Variants in ATAD3B observed in about 807,000 individuals in gnomAD.
The protein encoded by ATAD3B is ATPase family AAA domain-containing protein 3B.
In ATAD3B, 59 loss-of-function variants were observed where a neutral mutation model predicts 70.2. That is an observed-to-expected ratio of 0.84 (90% CI 0.68 to 1.04). The LOEUF (loss-of-function observed/expected upper bound fraction) is 1.04. ATAD3B is among the 50% of genes least tolerant of loss of function. The pLI, the probability that ATAD3B is intolerant of heterozygous loss-of-function variation, is 0.00. For missense variants in ATAD3B, 961 were observed against 913.4 expected, an observed-to-expected ratio of 1.05 and a Z score of -0.67; for synonymous variants, 423 against 388.6, an observed-to-expected ratio of 1.09 and a Z score of -1.04.
At chr1:1,498,470 TAAAAA>T (rs1235517684), downstream of ATAD3B, among the ~76,000 whole-genome samples, 1 of 149,098 alleles carries the variant, frequency 6.7e-6, no homozygotes, top group Non-Finnish European at 1.5e-5. Flanking sequence ...CAAAATAAAT[TAAAAA>T]ATAAAAATAA....
intron 1 of ATAD3B, among the ~76,000 whole-genome samples, chr1:1,476,449 A>G (rs1639593351): frequency 6.6e-6 from 1 of 151,736 alleles, no homozygotes; most frequent in Admixed American, 6.6e-5. Flanking sequence ...AGAGACGGGA[A>G]CAACGCACCA....
At chr1:1,502,949 G>A in the ATAD3B span, among the ~76,000 whole-genome samples, 4 of 150,948 alleles carry the variant, frequency 2.6e-5, no homozygotes, top group African/African-American at 9.7e-5. Flanking sequence ...ATCAGGCCGG[G>A]CACAGTGGCT....
the ATAD3B span, among the ~76,000 whole-genome samples, chr1:1,505,126 C>T: frequency 2.0e-5 from 3 of 152,032 alleles, no homozygotes; most frequent in Admixed American, 6.6e-5. Flanking sequence ...TGCCAGGCTG[C>T]GCTGTTATTT....
Position 1,490,789 on chromosome 1 carries a change from CA to C in ATAD3B, c.1614+119del. 2.7e-6 allele frequency: 4 copies of C among 1,494,310 alleles called. No individual in the cohort carries two copies. In the South Asian group the frequency reaches 4.0e-5, roughly 15 times the overall value. The allele number at this position is 1,494,310 out of a possible 1,614,324, so 92.6% of individuals were successfully genotyped here. A position where few individuals can be genotyped will look rare whatever the true frequency, so the allele number is the denominator to read the frequency against. On this transcript the variant is annotated intron_variant, in intron 15 of 15. Transcript: ENST00000673477. ...GTGGGAGCTTCTGTTGAGGGGTTTT[CA>C]GTGCACAGACGTGACACAGGGCCCC...
chr1:1,471,821 A>C lies in ATAD3B; in HGVS notation c.-64A>C, dbSNP rs1188532592. 2.3e-5 allele frequency: 29 copies of C among 1,236,656 alleles called. 2 individuals are homozygous for C. The highest frequency in any genetic ancestry group is 3.2e-4 in the Middle Eastern group (1 of 3,164). 76.6% of individuals were successfully genotyped at this position (1,236,656 alleles called of 1,614,324 possible). On this transcript the variant is annotated 5_prime_UTR_variant, in exon 1 of 16. Coordinates refer to ENST00000673477, the MANE Select transcript of ATAD3B (RefSeq NM_031921.6). Reference sequence around the variant, plus strand: ...CTCGCGGCGCGTGGAGGCTGCTCCCAGCCGCGCCCGAGTCAGACTCGGGTG... The same window carrying C: ...CTCGCGGCGCGTGGAGGCTGCTCCCCGCCGCGCCCGAGTCAGACTCGGGTG...
rs909087291 is a variant in ATAD3B at position 1,479,888 on chromosome 1, A to C, written c.444+780A>C. 2.1e-5 allele frequency among the ~76,000 whole-genome samples: 3 copies of C among 141,078 alleles called. 1 individual carries two copies. Among genetic ancestry groups the C allele is most frequent in the Non-Finnish European group, 4.6e-5 (3 of 65,336 alleles). 92.6% of individuals were successfully genotyped at this position (141,078 alleles called of 152,430 possible). On this transcript the variant is annotated intron_variant, in intron 4 of 15. Transcript: ENST00000673477. ...CCTGCACACACACCCCCACACGGGCATGCACACGCCCACACACACGGGCGC... is the reference window on the plus strand; with the variant it reads ...CCTGCACACACACCCCCACACGGGCCTGCACACGCCCACACACACGGGCGC...
At chr1:1,492,925 C>T (rs569750610) in intron 15 of ATAD3B, among the ~76,000 whole-genome samples, 1 of 145,746 alleles carries the variant, frequency 6.9e-6, no homozygotes, top group African/African-American at 2.6e-5. Flanking sequence ...GGTGTCAGAG[C>T]GATACTCCAT....
At position 1,473,287 on chromosome 1, in the gene ATAD3B, C is replaced by T. The variant is rs558099045; in HGVS notation, c.205+1198C>T. On this transcript the variant is annotated intron_variant, in intron 1 of 15. Transcript: ENST00000673477. ...CCCGAATAGCTGGGAGTACAGGCGCCCGCCACCACGCCCGGCTAATTTTGT... is the reference window on the plus strand; with the variant it reads ...CCCGAATAGCTGGGAGTACAGGCGCTCGCCACCACGCCCGGCTAATTTTGT... Among the ~76,000 whole-genome samples, 211 of 145,576 alleles carry T rather than the reference C, an allele frequency of 1.4e-3. 4 individuals are homozygous for T. The highest frequency in any genetic ancestry group is 5.3e-3 in the African/African-American group (207 of 39,414).
At chr1:1,478,434 G>T in intron 2 of ATAD3B, 4 of 1,524,702 alleles carry the variant, frequency 2.6e-6, no homozygotes, top group Non-Finnish European at 3.5e-6. Context: ...GGCCTTCGCA[G>T]GCTTCTCTGC....
intron 15 of ATAD3B, among the ~76,000 whole-genome samples, chr1:1,491,023 A>G (rs1015189816): frequency 6.6e-6 from 1 of 151,936 alleles, no homozygotes; most frequent in African/African-American, 2.4e-5. Flanking sequence ...TCGTCAGGAC[A>G]GGCCCCGTGT....
At chr1:1,485,983 T>G in intron 9 of ATAD3B, 127 bp from the exon 10 acceptor site, 2 of 1,589,374 alleles carry the variant, frequency 1.3e-6, no homozygotes, top group African/African-American at 1.3e-5. Flanking sequence ...CGGGGATAGA[T>G]AGGCTGCCCA....
At position 1,479,527 on chromosome 1, in the gene ATAD3B, C is replaced by A. The variant is rs1253837044; in HGVS notation, c.444+419C>A. Reference sequence around the variant, plus strand: ...GCATGGACAGACACCCGCAAACACACCCCCACACAACACGGGCACGCACAC... The same window carrying A: ...GCATGGACAGACACCCGCAAACACAACCCCACACAACACGGGCACGCACAC... On this transcript the variant is annotated intron_variant, in intron 4 of 15. Coordinates refer to ENST00000673477, the MANE Select transcript of ATAD3B (RefSeq NM_031921.6). 5.6e-5 allele frequency among the ~76,000 whole-genome samples: 8 copies of A among 143,784 alleles called. 1 individual carries two copies. Among genetic ancestry groups the A allele is most frequent in the Non-Finnish European group, 1.5e-5 (1 of 65,954 alleles). The allele number at this position is 143,784 out of a possible 152,430, so 94.3% of individuals were successfully genotyped here.
At position 1,490,193 on chromosome 1, in the gene ATAD3B, C is replaced by G. The variant is rs534571772; in HGVS notation, c.1338-64C>G. The G allele has an allele frequency of 7.0e-5, 111 of 1,580,510 alleles. No homozygotes were observed. In the African/African-American group the frequency reaches 1.4e-3, roughly 20 times the overall value. Reference sequence around the variant, plus strand: ...TCTCCCCGAGGGGGCTGAGGAGCCCCCGTTGCCCTCGGGGCATCTCAGCTG... The same window carrying G: ...TCTCCCCGAGGGGGCTGAGGAGCCCGCGTTGCCCTCGGGGCATCTCAGCTG... On this transcript the variant is annotated intron_variant, in intron 13 of 15. Coordinates refer to ENST00000673477, the MANE Select transcript of ATAD3B (RefSeq NM_031921.6).
intron 15 of ATAD3B, among the ~76,000 whole-genome samples, chr1:1,494,156 T>C (rs1301192639): frequency 2.0e-5 from 3 of 149,212 alleles, no homozygotes; most frequent in Non-Finnish European, 4.4e-5. Context: ...GTGTCACTGT[T>C]GGACCCACCC....
At chr1:1,500,637 ATG>A (rs200301043), downstream of ATAD3B, among the ~76,000 whole-genome samples, 247 of 150,948 alleles carry the variant, frequency 1.6e-3, 2 homozygotes, top group East Asian at 0.011. Context: ...GTATATATAA[ATG>A]TGTATATATA....
chr1:1,475,303 C>T (rs1315834329), intron 1 of ATAD3B, among the ~76,000 whole-genome samples: 2 of 151,408 alleles, frequency 1.3e-5, no homozygotes, highest in Non-Finnish European at 1.5e-5. Flanking sequence ...TCCTTCCTGG[C>T]CTCACTGCTG....
In ATAD3B at chr1:1,489,301, C is replaced by T. The variant is rs372183068; in HGVS notation, c.1337+27C>T. On this transcript the variant is annotated intron_variant, in intron 13 of 15. Transcript: ENST00000673477. ...TGAGGGAGCCCCTCGGGTCCTGAGC[C>T]CCCGGGCAGGGCTGTGCAGCCGTCG... 1.4e-5 allele frequency: 22 copies of T among 1,613,116 alleles called. No individual in the cohort carries two copies. The South Asian group carries it at 1.9e-4, about 14-fold the overall frequency.
chr1:1,471,958 C>T lies in ATAD3B; in HGVS notation c.74C>T (p.Ala25Val). The T allele has an allele frequency of 3.2e-6, 4 of 1,239,158 alleles. No homozygotes were observed. The African/African-American group carries it at 4.7e-5, about 15-fold the overall frequency. 76.8% of individuals were successfully genotyped at this position (1,239,158 alleles called of 1,614,324 possible). A position where few individuals can be genotyped will look rare whatever the true frequency, so the allele number is the denominator to read the frequency against. Reference protein sequence around the residue: ...GAGPPPPLPPAQPGAEGGGDR... With the variant: ...GAGPPPPLPPVQPGAEGGGDR... ...GGGCCGCCGCCGCCTTTGCCGCCCG[C>T]GCAGCCCGGGGCCGAGGGCGGCGGG... Residue 25 changes from alanine (A) to valine (V), a missense_variant, in exon 1 of 16, where the codon GCG becomes GTG. Physicochemically the swap from Ala to Val is moderately conservative, Grantham distance 64. This residue lies in a region of ATAD3B where 187 missense variants were observed against 244.3 expected (regional missense o/e 0.77). Coordinates refer to ENST00000673477, the MANE Select transcript of ATAD3B (RefSeq NM_031921.6).
chr1:1,502,054 T>A (rs1369522593), downstream of ATAD3B, among the ~76,000 whole-genome samples: 2 of 151,274 alleles, frequency 1.3e-5, no homozygotes, highest in African/African-American at 2.4e-5. Context: ...AGTTTTTATG[T>A]TTTTAGTAGA....
Sources: gnomAD v4.1 joint callset for allele counts (sites outside exome capture counted in the v4.1 genomes callset) on GRCh38, gnomAD v4.1.1 for gene constraint, gnomAD v4.1.1 regional missense constraint, MANE v1.5 for transcripts, NCBI Gene and HGNC (gene_info 2026-07-23, HGNC 2026-07-21) for gene names.